The following PTPRK variants were observed in gnomAD, a reference collection of about 807,000 sequenced individuals.
The protein encoded by PTPRK is protein tyrosine phosphatase receptor type K.
A neutral mutation model predicts 178.0 loss-of-function variants in PTPRK; 75 were observed. The ratio of observed to expected loss-of-function variants is 0.42; its 90% CI spans 0.35 to 0.51. The LOEUF is 0.51. Ranked by LOEUF, PTPRK falls within the 20% of genes least tolerant of loss-of-function variation. The pLI is 0.02. For missense variants in PTPRK, 1,441 were observed against 1,797.8 expected, an observed-to-expected ratio of 0.80 and a Z score of 3.59; for synonymous variants, 637 against 620.6, an observed-to-expected ratio of 1.03 and a Z score of -0.39.
intron 5 of PTPRK, among the ~76,000 whole-genome samples, chr6:128,234,694 A>G (rs1420287238): frequency 6.6e-6 from 1 of 152,192 alleles, no homozygotes. Flanking sequence ...CATTGTTTGA[A>G]TGAGCCACAA....
chr6:128,168,616 T>C (rs907540917), intron 7 of PTPRK, among the ~76,000 whole-genome samples: 1 of 152,046 alleles, frequency 6.6e-6, no homozygotes, highest in South Asian at 2.1e-4. Context: ...TAAACCCTAT[T>C]GTGAACTGTG....
At chr6:128,217,018 T>C (rs568243642) in intron 6 of PTPRK, among the ~76,000 whole-genome samples, 1 of 152,270 alleles carries the variant, frequency 6.6e-6, no homozygotes, top group East Asian at 1.9e-4. Flanking sequence ...TGTGAACGCA[T>C]ATATGGTAAA....
intron 1 of PTPRK, among the ~76,000 whole-genome samples, chr6:128,406,359 A>C (rs1194429141): frequency 2.0e-5 from 3 of 152,192 alleles, no homozygotes; most frequent in African/African-American, 7.2e-5. Flanking sequence ...TTAACATAGA[A>C]GGCATATGGG....
rs534404996 is a variant in PTPRK, at chr6:128,495,762, T to C, written c.100+24497A>G. 3.3e-5 allele frequency among the ~76,000 whole-genome samples: 5 copies of C among 152,296 alleles called. No homozygotes were observed. The South Asian group carries it at 1.0e-3, about 32-fold the overall frequency. The stretch of plus-strand genomic sequence containing the variant: ...TAAGTCGTCATCGTTAGTTATAAGG[T>C]CCTGCATGCTCTGGCTTTTACCTGA... On this transcript the variant is annotated intron_variant, in intron 1 of 29. Transcript: ENST00000368226.
chr6:128,314,496 C>G (rs569531866), intron 3 of PTPRK, among the ~76,000 whole-genome samples: 17 of 152,330 alleles, frequency 1.1e-4, no homozygotes, highest in African/African-American at 3.8e-4. Context: ...CTTCTTCAGG[C>G]TGGGAATTCC....
chr6:128,319,809 A>T (rs915921519), intron 3 of PTPRK, among the ~76,000 whole-genome samples: 3 of 152,186 alleles, frequency 2.0e-5, no homozygotes, highest in Non-Finnish European at 1.5e-5. Context: ...AGTTTATGTT[A>T]TGTTGGTTGT....
chr6:128,252,478 G>A (rs578057626), intron 3 of PTPRK, among the ~76,000 whole-genome samples: 1 of 152,262 alleles, frequency 6.6e-6, no homozygotes, highest in Admixed American at 6.5e-5. Context: ...AAGTGACTAA[G>A]ACATACTTCT....
At chr6:128,281,222 A>G (rs1043790996) in intron 3 of PTPRK, among the ~76,000 whole-genome samples, 2 of 152,228 alleles carry the variant, frequency 1.3e-5, no homozygotes, top group Non-Finnish European at 2.9e-5. Context: ...CAAGGCCAGT[A>G]TCTGAGAACA....
At chr6:128,060,471 T>C (rs1214280619) in intron 13 of PTPRK, among the ~76,000 whole-genome samples, 1 of 152,184 alleles carries the variant, frequency 6.6e-6, no homozygotes, top group Non-Finnish European at 1.5e-5. Context: ...TAATAATAGC[T>C]AGATTCTCTT....
chr6:128,260,825 G>A (rs1818070151), intron 3 of PTPRK, among the ~76,000 whole-genome samples: 1 of 152,096 alleles, frequency 6.6e-6, no homozygotes, highest in Non-Finnish European at 1.5e-5. Context: ...CAAAAATATA[G>A]GAAGTTGTAG....
At chr6:128,177,986 C>T (rs942554412) in intron 7 of PTPRK, among the ~76,000 whole-genome samples, 6 of 151,848 alleles carry the variant, frequency 4.0e-5, no homozygotes, top group Admixed American at 3.3e-4. Flanking sequence ...TTTCCTATAT[C>T]TGAGTAGAAA....
intron 1 of PTPRK, among the ~76,000 whole-genome samples, chr6:128,418,902 T>C (rs1027783800): frequency 6.6e-6 from 1 of 152,184 alleles, no homozygotes; most frequent in African/African-American, 2.4e-5. Flanking sequence ...AATACTTCAC[T>C]GTAATGATCC....
Position 128,520,318 on chromosome 6 carries a change from G to C in PTPRK, c.41C>G (p.Ala14Gly). Residue 14 changes from alanine (A) to glycine (G), a missense_variant, in exon 1 of 30, where the codon GCG becomes GGG. By Grantham distance (60) the Ala-to-Gly change is moderately conservative. Coordinates refer to ENST00000368226, the MANE Select transcript of PTPRK (RefSeq NM_002844.4). ...TAAAALPAFV[A>G]LLLLSPWPLL... ...AGGCCAAGGAGAGAGGAGCAAGAGCGCCACAAAAGCAGGCAGCGCCGCCGC... is the reference window on the plus strand; with the variant it reads ...AGGCCAAGGAGAGAGGAGCAAGAGCCCCACAAAAGCAGGCAGCGCCGCCGC... The C allele has an allele frequency of 6.2e-7, 1 of 1,610,358 alleles. No homozygotes were observed. Among genetic ancestry groups the C allele is most frequent in the South Asian group, 1.1e-5 (1 of 90,382 alleles).
chr6:128,485,694 G>A (rs1211203777), intron 1 of PTPRK, among the ~76,000 whole-genome samples: 1 of 152,196 alleles, frequency 6.6e-6, no homozygotes, highest in African/African-American at 2.4e-5. Context: ...AGGGGACCAA[G>A]ACTGAAAGTA....
At chr6:128,232,753 C>T (rs1183616906) in intron 5 of PTPRK, among the ~76,000 whole-genome samples, 1 of 152,182 alleles carries the variant, frequency 6.6e-6, no homozygotes, top group African/African-American at 2.4e-5. Flanking sequence ...CAAGTTTACT[C>T]ACTGTTTTGG....
intron 3 of PTPRK, among the ~76,000 whole-genome samples, chr6:128,310,642 C>A (rs1053785018): frequency 6.6e-6 from 1 of 152,116 alleles, no homozygotes; most frequent in Non-Finnish European, 1.5e-5. Context: ...AGGCAAGTGG[C>A]ACCGCAAAAA....
chr6:128,306,312 C>T (rs1826368516), intron 3 of PTPRK, among the ~76,000 whole-genome samples: 1 of 152,062 alleles, frequency 6.6e-6, no homozygotes, highest in Admixed American at 6.6e-5. Flanking sequence ...TTTCTATTTG[C>T]CAGTTAGTGG....
intron 13 of PTPRK, among the ~76,000 whole-genome samples, chr6:128,055,112 T>A (rs1779678567): frequency 1.3e-5 from 2 of 152,198 alleles, no homozygotes. Context: ...TTTTTGGCAC[T>A]TTCAATTTTA....
chr6:128,175,346 T>C (rs887674242), intron 7 of PTPRK, among the ~76,000 whole-genome samples: 2 of 151,858 alleles, frequency 1.3e-5, no homozygotes, highest in African/African-American at 4.8e-5. Flanking sequence ...TTTCAAAAAG[T>C]AGTTGAATAG....
Sources: allele counts gnomAD v4.1 joint callset (sites outside exome capture counted in the v4.1 genomes callset), GRCh38; gene constraint gnomAD v4.1.1; transcripts MANE v1.5; gene names NCBI Gene and HGNC (gene_info 2026-07-23, HGNC 2026-07-21).